LMAN1L: variants seen among roughly 807,000 people sequenced by gnomAD.
The protein encoded by LMAN1L is protein ERGIC-53-like.
In LMAN1L, 60 loss-of-function variants were observed where a neutral mutation model predicts 58.3. That is an observed-to-expected ratio of 1.03 (90% confidence interval 0.84 to 1.27). The LOEUF (loss-of-function observed/expected upper bound fraction) is 1.27, where lower values mean the gene tolerates loss of function less well. LMAN1L is among the 50% of genes most tolerant of loss of function. LMAN1L has a pLI of 0.00. For missense variants in LMAN1L, 629 were observed against 674.0 expected, an observed-to-expected ratio of 0.93 and a Z score of 0.74; for synonymous variants, 280 against 271.6, an observed-to-expected ratio of 1.03 and a Z score of -0.31.
chr15:74,824,679 G>A, intron 13 of LMAN1L: 1 of 573,294 alleles, frequency 1.7e-6, no homozygotes, highest in Non-Finnish European at 3.0e-6. Flanking sequence ...GCCCCATCTG[G>A]GTCCTGCTCT....
intron 6 of LMAN1L, chr15:74,819,493 T>C (rs2063907492): frequency 3.5e-6 from 2 of 577,216 alleles, no homozygotes; most frequent in Non-Finnish European, 5.9e-6. Context: ...TAAGTGCCCC[T>C]AGCTGTGAGT....
In LMAN1L at chr15:74,816,474, G is replaced by T. The variant is rs2063891174; in HGVS notation, c.378G>T (p.Gly126=). 8 of 1,552,252 alleles carry T rather than the reference G, an allele frequency of 5.2e-6. No homozygotes were observed. Among genetic ancestry groups the T allele is most frequent in the Non-Finnish European group, 7.0e-6 (8 of 1,145,426 alleles). Residue 126 remains glycine (G), a synonymous_variant, in exon 3 of 14, where the codon GGG becomes GGT. Transcript: ENST00000309664. ...GGGGCCATGTAGGCTCTGTCCTTGG[G>T]GGGCTGGCTTCGTGGGACGGCATCG... ...RGRGHVGSVL[G]GLASWDGIGI...
chr15:74,814,434 C>T (rs1346377873), intron 1 of LMAN1L, among the ~76,000 whole-genome samples: 7 of 136,190 alleles, frequency 5.1e-5, no homozygotes, highest in Non-Finnish European at 6.2e-5. Flanking sequence ...AGTGCAGTGG[C>T]GTGATCTCGG....
chr15:74,820,813 A>G, intron 8 of LMAN1L, 46 bp downstream of exon 8: 1 of 1,581,840 alleles, frequency 6.3e-7, no homozygotes, highest in South Asian at 1.2e-5. Context: ...TGAGTGTCAC[A>G]GCATCCTCCA....
intron 1 of LMAN1L, among the ~76,000 whole-genome samples, chr15:74,814,242 G>A (rs1210683511): frequency 6.6e-6 from 1 of 151,312 alleles, no homozygotes; most frequent in Non-Finnish European, 1.5e-5. Flanking sequence ...TGCCCAGGCT[G>A]GAGTGCAGTG....
At chr15:74,823,529 T>A (rs1225317412) in intron 11 of LMAN1L, 30 bp from the exon 12 acceptor site, 2 of 1,611,802 alleles carry the variant, frequency 1.2e-6, no homozygotes, top group Non-Finnish European at 1.7e-6. Context: ...AGGTAATGAG[T>A]CATCTTACTT....
rs369084581 is a variant in LMAN1L, at chr15:74,813,016, G to A, written c.162G>A (p.Trp54Ter). The A allele has an allele frequency of 1.2e-6, 2 of 1,612,780 alleles. No individual in the cohort carries two copies. Among genetic ancestry groups the A allele is most frequent in the Non-Finnish European group, 1.7e-6 (2 of 1,179,446 alleles). ...TGCCTGGGGCTGGAATACCCTTCTGGAGCCATCATGGAGGTGAGGGGCAGG... is the reference window on the plus strand; with the variant it reads ...TGCCTGGGGCTGGAATACCCTTCTGAAGCCATCATGGAGGTGAGGGGCAGG... ...LALPGAGIPFWSHHGDAILGL... is the reference protein window; with the variant it reads ...LALPGAGIPF Residue 54 changes from tryptophan (W) to a stop codon, truncating the protein, a stop_gained, in exon 1 of 14, where the codon TGG becomes TGA. Coordinates refer to ENST00000309664, the MANE Select transcript of LMAN1L (RefSeq NM_021819.3). LOFTEE classifies it high-confidence loss of function.
Position 74,823,630 on chromosome 15 carries a change from T to C in LMAN1L, c.1271T>C (p.Leu424Ser), listed in dbSNP as rs1411329164. The change falls in exon 12 of 14, where the codon TTA becomes TCA. Residue 424 changes from leucine to serine, a missense_variant. Around this residue, in one of 3 missense-constraint regions of LMAN1L, gnomAD observed 573 missense variants for 597.3 expected, o/e 0.96. Transcript: ENST00000309664. ...CCTGTGGGCATTGAGCATCATTTCT[T>C]AGAGCTGGACCACATCCTGGGCCTC... The part of the protein sequence containing the change: ...YLPVGIEHHF[L>S]ELDHILGLLQ... 3.1e-6 allele frequency: 5 copies of C among 1,613,820 alleles called. No individual in the cohort carries two copies. The Admixed American group carries it at 8.3e-5, about 27-fold the overall frequency.
rs761380949 is a variant in LMAN1L at position 74,812,860 on chromosome 15, G to A, written c.6G>A (p.Pro2=). 1.6e-5 allele frequency: 26 copies of A among 1,595,174 alleles called. No homozygotes were observed. Among genetic ancestry groups the A allele is most frequent in the Middle Eastern group, 1.7e-4 (1 of 5,948 alleles). Residue 2 remains proline (P), a synonymous_variant, in exon 1 of 14, where the codon CCG becomes CCA. Coordinates refer to ENST00000309664, the MANE Select transcript of LMAN1L (RefSeq NM_021819.3). ...AGACTTCAGGCGCCTTCACGATGCC[G>A]GCGGTCAGTGGTCCAGGTCCCTTAT... M[P]AVSGPGPLFC...
chr15:74,819,773 T>G (rs1165231899), intron 6 of LMAN1L: 1 of 560,530 alleles, frequency 1.8e-6, no homozygotes, highest in Non-Finnish European at 3.2e-6. Context: ...GATGGTCTGC[T>G]GCCATGGCTC....
intron 5 of LMAN1L, 68 bp from the exon 6 acceptor site, chr15:74,819,084 G>A (rs1175980910): frequency 5.2e-6 from 8 of 1,537,622 alleles, no homozygotes; most frequent in Middle Eastern, 1.7e-4. Context: ...GCCATCCCAC[G>A]GCCAGGGGAG....
At position 74,825,460 on chromosome 15, in the gene LMAN1L, T is replaced by G. The variant is rs747138419; in HGVS notation, c.1452-16T>G. The G allele has an allele frequency of 2.5e-6, 4 of 1,605,908 alleles. No homozygotes were observed. The Admixed American group carries it at 6.7e-5, about 27-fold the overall frequency. ...GGAGAGACGCAAGTAACCTGTAACC[T>G]TCTCTCTGGCAGCAGGCAGGAGCTG... On this transcript the variant is annotated splice_polypyrimidine_tract_variant and intron_variant, in intron 13 of 13. Transcript: ENST00000309664.
intron 4 of LMAN1L, among the ~76,000 whole-genome samples, chr15:74,817,511 T>G (rs1007375456): frequency 3.9e-5 from 6 of 152,134 alleles, no homozygotes; most frequent in Non-Finnish European, 5.9e-5. Context: ...TAGCCTGAGG[T>G]GTCCAGAGAC....
At position 74,825,443 on chromosome 15, in the gene LMAN1L, G is replaced by A. The variant is rs758382177; in HGVS notation, c.1452-33G>A. 2.2e-5 allele frequency: 35 copies of A among 1,589,632 alleles called. No individual in the cohort carries two copies. In the African/African-American group the frequency reaches 2.3e-4, roughly 10 times the overall value. On this transcript the variant is annotated intron_variant, in intron 13 of 13. Coordinates refer to ENST00000309664, the MANE Select transcript of LMAN1L (RefSeq NM_021819.3). ...TTTCAAAAGCCCATAAAGGAGAGAC[G>A]CAAGTAACCTGTAACCTTCTCTCTG...
chr15:74,816,634 C>T lies in LMAN1L; in HGVS notation c.441C>T (p.Asp147=), dbSNP rs1281180279. The T allele has an allele frequency of 6.2e-7, 1 of 1,613,564 alleles. No individual in the cohort carries two copies. The highest frequency in any genetic ancestry group is 1.3e-5 in the African/African-American group (1 of 74,920). Residue 147 remains aspartate (D), a splice_region_variant and synonymous_variant, in exon 4 of 14, where the codon GAC becomes GAT. Transcript: ENST00000309664. ...FFDSPAEDTQ[D]SPAIRVLASD... The stretch of plus-strand genomic sequence containing the variant: ...GGCTGCTTCTCACCTCCCTGCAGGA[C>T]AGTCCTGCCATCCGTGTGCTGGCCA...
At chr15:74,821,746 G>A in intron 9 of LMAN1L, 83 bp from the exon 10 acceptor site, 4 of 886,602 alleles carry the variant, frequency 4.5e-6, no homozygotes, top group Admixed American at 4.3e-5. Flanking sequence ...TTGTGTCAGA[G>A]CAGCTTAGGC....
At chr15:74,817,301 AACATT>A (rs2063896161) in intron 4 of LMAN1L, among the ~76,000 whole-genome samples, 3 of 151,974 alleles carry the variant, frequency 2.0e-5, no homozygotes, top group African/African-American at 4.8e-5. Flanking sequence ...TAACCCTCAT[AACATT>A]GTTATGAGGT....
Position 74,816,310 on chromosome 15 carries a change from TG to T in LMAN1L, c.330+1del, listed in dbSNP as rs769873007. ...TGLGRRGAQG[M>X]AVWYTRGRGH... ...CTGGGGCGCCGGGGAGCCCAGGGCA[TG>T]GTGAGTGTCCTCTCCCAGAGCTGAC... On this transcript the variant is annotated frameshift_variant and splice_region_variant, in exon 2 of 14. Coordinates refer to ENST00000309664, the MANE Select transcript of LMAN1L (RefSeq NM_021819.3). LOFTEE classifies it high-confidence loss of function. The T allele has an allele frequency of 7.4e-6, 12 of 1,612,006 alleles. No homozygotes were observed. The highest frequency in any genetic ancestry group is 1.0e-5 in the Non-Finnish European group (12 of 1,179,874).
At chr15:74,816,975 C>T (rs74320710) in intron 4 of LMAN1L, among the ~76,000 whole-genome samples, 2,994 of 152,260 alleles carry the variant, frequency 0.02, 107 homozygotes, top group African/African-American at 0.068. Flanking sequence ...GGGGGTTATT[C>T]GTCCCATTTA....
Sources: allele counts gnomAD v4.1 joint callset (sites outside exome capture counted in the v4.1 genomes callset), GRCh38; gene constraint gnomAD v4.1.1; regional missense constraint gnomAD v4.1.1; transcripts MANE v1.5; gene names NCBI Gene and HGNC (gene_info 2026-07-23, HGNC 2026-07-21).